The following METTL22 variants were observed in gnomAD, a reference collection of about 807,000 sequenced individuals.
METTL22 encodes methyltransferase 22, Kin17 lysine.
Under a neutral mutation model 48.4 loss-of-function variants are expected in METTL22, and 51 were observed. The observed-to-expected ratio is 1.05, with a 90% CI of 0.84 to 1.33. The LOEUF is 1.33. Among genes scored for constraint, METTL22 ranks in the 40% most tolerant of loss-of-function variants. The pLI, the probability that METTL22 is intolerant of heterozygous loss-of-function variation, is 0.00. For missense variants in METTL22, 678 were observed against 526.9 expected (o/e 1.29, Z -2.81); for synonymous variants, 255 against 214.1 (o/e 1.19, Z -1.67).
At chr16:8,626,689 T>A (rs1410140746) in intron 2 of METTL22, among the ~76,000 whole-genome samples, 8 of 146,972 alleles carry the variant, frequency 5.4e-5, no homozygotes, top group Non-Finnish European at 1.2e-4. Context: ...CCTCAGGTGA[T>A]CCTCCCACCC....
intron 3 of METTL22, among the ~76,000 whole-genome samples, chr16:8,629,437 C>T (rs777641673): frequency 2.0e-5 from 3 of 152,220 alleles, no homozygotes; most frequent in Non-Finnish European, 4.4e-5. Context: ...CTCCCTGCTG[C>T]TGCCTCCCAC....
rs748017152 is a variant in METTL22 at position 8,628,476 on chromosome 16, T to C, written c.134-254T>C. Among the ~76,000 whole-genome samples, 5 of 152,126 alleles carry C rather than the reference T, an allele frequency of 3.3e-5. No individual in the cohort carries two copies. The South Asian group carries it at 8.3e-4, about 25-fold the overall frequency. ...GGTATCTTCACAGCAATTGTGGAGA[T>C]TGAATGAGCTGATATGAGCCAAGTG... On this transcript the variant is annotated intron_variant, in intron 2 of 10. Transcript: ENST00000381920.
intron 5 of METTL22, 62 bp downstream of exon 5, chr16:8,635,374 G>A: frequency 2.7e-6 from 4 of 1,469,608 alleles, no homozygotes; most frequent in Non-Finnish European, 3.6e-6. Flanking sequence ...TGCACTGACT[G>A]TATAAAAAAA....
the METTL22 span, among the ~76,000 whole-genome samples, chr16:8,664,052 T>C: frequency 6.6e-6 from 1 of 151,982 alleles, no homozygotes; most frequent in Non-Finnish European, 1.5e-5. Flanking sequence ...GCAATGATCT[T>C]TCCTCTTTCC....
At chr16:8,650,124 G>A (rs1355465588), downstream of METTL22, among the ~76,000 whole-genome samples, 2 of 152,172 alleles carry the variant, frequency 1.3e-5, no homozygotes, top group Non-Finnish European at 1.5e-5. Flanking sequence ...ACAGGAGTTT[G>A]AGATCAGCCT....
chr16:8,646,870 A>G lies in METTL22; in HGVS notation c.*727A>G, dbSNP rs1452182476. The G allele has an allele frequency of 2.5e-5, 9 of 357,470 alleles. No individual in the cohort carries two copies. Among genetic ancestry groups the G allele is most frequent in the South Asian group, 1.7e-4 (8 of 47,076 alleles). The allele number at this position is 357,470 out of a possible 1,614,324, so 22.1% of individuals were successfully genotyped here. A position where few individuals can be genotyped will look rare whatever the true frequency, so the allele number is the denominator to read the frequency against. ...TCTCTCTGTCTTATCACGTGTGTAC[A>G]TGTCTGTCTGTCTGGTTTTTTATCT... is the stretch of plus-strand genomic sequence containing the variant. On this transcript the variant is annotated 3_prime_UTR_variant, in exon 11 of 11. Coordinates refer to ENST00000381920, the MANE Select transcript of METTL22 (RefSeq NM_024109.4).
At chr16:8,661,644 C>CAA in the METTL22 span, among the ~76,000 whole-genome samples, 6,515 of 110,196 alleles carry the variant, frequency 0.059, 731 homozygotes, top group African/African-American at 0.093. Context: ...GACTCCGTCT[C>CAA]AAAAAAAAAA....
rs936043239 is a variant in METTL22, at chr16:8,646,657, T to C, written c.*514T>C. 1 of 458,262 alleles carries C rather than the reference T, an allele frequency of 2.2e-6. No homozygotes were observed. The highest frequency in any genetic ancestry group is 4.4e-6 in the Non-Finnish European group (1 of 228,074). The allele number at this position is 458,262 out of a possible 1,614,324, so 28.4% of individuals were successfully genotyped here. A position where few individuals can be genotyped will look rare whatever the true frequency, so the allele number is the denominator to read the frequency against. On this transcript the variant is annotated 3_prime_UTR_variant, in exon 11 of 11. Coordinates refer to ENST00000381920, the MANE Select transcript of METTL22 (RefSeq NM_024109.4). ...CCCATGAGAAGGAAGAGGCAGGAGC[T>C]GGCGCCAGGAATGGACTGGCATTGG...
chr16:8,628,693 T>G lies in METTL22; in HGVS notation c.134-37T>G, dbSNP rs771066585. On this transcript the variant is annotated intron_variant, in intron 2 of 10. Transcript: ENST00000381920. ...AGAGGAAGGTAAAAAAGAAAACATCTTGGAATTCTCATTTTGCGTTCTGTC... is the reference window on the plus strand; with the variant it reads ...AGAGGAAGGTAAAAAAGAAAACATCGTGGAATTCTCATTTTGCGTTCTGTC... 2.6e-5 allele frequency: 40 copies of G among 1,558,816 alleles called. No individual in the cohort carries two copies. In the Admixed American group the frequency reaches 7.3e-4, roughly 28 times the overall value.
chr16:8,625,323 T>A (rs1362229963), intron 1 of METTL22, among the ~76,000 whole-genome samples, 173 bp from the exon 2 acceptor site: 1 of 152,104 alleles, frequency 6.6e-6, no homozygotes, highest in African/African-American at 2.4e-5. Context: ...TGTTTGAAAT[T>A]TTTTTGTAAT....
At chr16:8,644,319 C>T (rs969979731) in intron 9 of METTL22, 1 of 359,690 alleles carries the variant, frequency 2.8e-6, no homozygotes, top group South Asian at 5.2e-5. Flanking sequence ...GGGCACGTGA[C>T]CTGAGCTTTC....
Position 8,629,093 on chromosome 16 carries a change from A to G in METTL22, c.497A>G (p.His166Arg). The G allele has an allele frequency of 1.9e-6, 3 of 1,613,284 alleles. No homozygotes were observed. Among genetic ancestry groups the G allele is most frequent in the Non-Finnish European group, 2.5e-6 (3 of 1,179,954 alleles). The part of the protein sequence containing the change: ...VLGEEAQGSP[H>R]DIIRIEHTMA... ...GGAGAGGAAGCACAAGGCAGCCCGCACGATATCATCAGAATAGGTAAATAG... is the reference window on the plus strand; with the variant it reads ...GGAGAGGAAGCACAAGGCAGCCCGCGCGATATCATCAGAATAGGTAAATAG... Residue 166 changes from histidine to arginine, a missense_variant, in exon 3 of 11, where the codon CAC (histidine) becomes CGC (arginine). Physicochemically the swap from His to Arg is conservative, Grantham distance 29. Coordinates refer to ENST00000381920, the MANE Select transcript of METTL22 (RefSeq NM_024109.4).
intron 3 of METTL22, among the ~76,000 whole-genome samples, chr16:8,630,350 G>A (rs753718925): frequency 7.2e-5 from 11 of 152,202 alleles, no homozygotes; most frequent in Non-Finnish European, 1.5e-4. Flanking sequence ...ATAGGGATGA[G>A]TATTCCCATT....
the METTL22 span, among the ~76,000 whole-genome samples, chr16:8,661,200 G>T: frequency 1.4e-5 from 2 of 148,024 alleles, no homozygotes; most frequent in Non-Finnish European, 3.0e-5. Context: ...GTAATCATCA[G>T]TCCTGGCAGC....
intron 2 of METTL22, 59 bp from the exon 3 acceptor site, chr16:8,628,671 G>C: frequency 6.5e-7 from 1 of 1,536,932 alleles, no homozygotes; most frequent in Non-Finnish European, 8.7e-7. Flanking sequence ...AAGAAGAAGA[G>C]GAAGGTAAAA....
chr16:8,661,619 T>A, the METTL22 span, among the ~76,000 whole-genome samples: 2 of 103,702 alleles, frequency 1.9e-5, no homozygotes, highest in Admixed American at 1.4e-4. Flanking sequence ...CACTCCAGCC[T>A]GGGCGACACA....
At chr16:8,653,834 G>A (rs750405316), downstream of METTL22, among the ~76,000 whole-genome samples, 1 of 152,198 alleles carries the variant, frequency 6.6e-6, no homozygotes, top group Non-Finnish European at 1.5e-5. Context: ...CTTAGAGACA[G>A]GAACACTGGG....
chr16:8,628,704 A>G (rs2056147142), intron 2 of METTL22, 26 bp from the exon 3 acceptor site: 1 of 1,566,934 alleles, frequency 6.4e-7, no homozygotes, highest in South Asian at 1.2e-5. Context: ...TGGAATTCTC[A>G]TTTTGCGTTC....
At chr16:8,664,090 A>AT in the METTL22 span, among the ~76,000 whole-genome samples, 4,361 of 142,144 alleles carry the variant, frequency 0.031, 188 homozygotes, top group African/African-American at 0.1. Flanking sequence ...AAGTTTTTTA[A>AT]TTTTTTTTTT....
Sources: gnomAD v4.1 joint callset for allele counts (sites outside exome capture counted in the v4.1 genomes callset) on GRCh38, gnomAD v4.1.1 for gene constraint, MANE v1.5 for transcripts, NCBI Gene and HGNC (gene_info 2026-07-23, HGNC 2026-07-21) for gene names.